CCDC30: variants seen among roughly 807,000 people sequenced by gnomAD.
The protein encoded by CCDC30 is coiled-coil domain-containing protein 30.
In CCDC30, 70 loss-of-function variants were observed where a neutral mutation model predicts 100.2. That is an observed-to-expected ratio of 0.70 (90% CI 0.58 to 0.85). The LOEUF (loss-of-function observed/expected upper bound fraction) is 0.85, where lower values mean the gene tolerates loss of function less well. CCDC30 is among the 40% of genes least tolerant of loss of function. CCDC30 has a pLI of 0.00. For missense variants in CCDC30, 652 were observed against 771.2 expected, an observed-to-expected ratio of 0.85 and a Z score of 1.83; for synonymous variants, 233 against 269.5, an observed-to-expected ratio of 0.86 and a Z score of 1.33.
chr1:42,601,978 A>G (rs148664839), intron 10 of CCDC30, among the ~76,000 whole-genome samples: 29 of 152,334 alleles, frequency 1.9e-4, no homozygotes, highest in Non-Finnish European at 3.5e-4. Flanking sequence ...TTCAACAAAT[A>G]TATTGAAAAT....
At chr1:42,604,362 A>G (rs1357412283) in intron 10 of CCDC30, among the ~76,000 whole-genome samples, 1 of 152,360 alleles carries the variant, frequency 6.6e-6, no homozygotes, top group East Asian at 1.9e-4. Flanking sequence ...AGGCAACTCC[A>G]AGCACTTGGC....
At chr1:42,472,312 A>G (rs374616028) in intron 1 of CCDC30, among the ~76,000 whole-genome samples, 1 of 152,174 alleles carries the variant, frequency 6.6e-6, no homozygotes, top group African/African-American at 2.4e-5. Flanking sequence ...CGATCAGCAG[A>G]TATTTATCTT....
exon 12 of CCDC30, chr1:42,637,241 T>C (rs1015022735): frequency 6.3e-7 from 1 of 1,581,430 alleles, no homozygotes. Flanking sequence ...TTATAGAAAC[T>C]ATAATGAGAA....
At position 42,495,391 on chromosome 1, in the gene CCDC30, G is replaced by A. The variant is rs148369626; in HGVS notation, c.242-1707G>A. On this transcript the variant is annotated intron_variant, in intron 4 of 16. Transcript: ENST00000668663. ...AGAGAGGGGAGGGATAGCATTGGGAGATATACCTAATGCTAGATGCTGAGT... is the reference window on the plus strand; with the variant it reads ...AGAGAGGGGAGGGATAGCATTGGGAAATATACCTAATGCTAGATGCTGAGT... Among the ~76,000 whole-genome samples the A allele has an allele frequency of 6.0e-3, 915 of 152,142 alleles. 5 individuals carry two copies. Among genetic ancestry groups the A allele is most frequent in the African/African-American group, 0.021 (853 of 41,476 alleles).
intron 6 of CCDC30, among the ~76,000 whole-genome samples, chr1:42,560,523 C>A (rs183048479): frequency 1.4e-3 from 212 of 152,140 alleles, no homozygotes; most frequent in Non-Finnish European, 1.7e-3. Context: ...GCACGCACCA[C>A]CATGCCTGGC....
chr1:42,553,743 A>T (rs543703929), intron 6 of CCDC30, among the ~76,000 whole-genome samples: 1 of 151,912 alleles, frequency 6.6e-6, no homozygotes, highest in African/African-American at 2.4e-5. Flanking sequence ...CTTCCACTGG[A>T]TATAAGAAAA....
At chr1:42,477,964 C>T (rs540860818) in intron 1 of CCDC30, among the ~76,000 whole-genome samples, 2 of 152,234 alleles carry the variant, frequency 1.3e-5, no homozygotes, top group East Asian at 3.9e-4. Flanking sequence ...TGAGTGAATG[C>T]TAAGAAGAAA....
chr1:42,512,295 TGGCCAGTTTTGG>T (rs974036774), intron 6 of CCDC30, among the ~76,000 whole-genome samples: 14 of 152,164 alleles, frequency 9.2e-5, no homozygotes, highest in Admixed American at 2.0e-4. Context: ...ATTTTGTTTA[TGGCCAGTTTTGG>T]GGCCAGTTTA....
chr1:42,619,034 T>C lies in CCDC30; in HGVS notation c.1277+7944T>C, dbSNP rs569349081. 9.2e-5 allele frequency among the ~76,000 whole-genome samples: 14 copies of C among 152,264 alleles called. 1 individual carries two copies. The highest frequency in any genetic ancestry group is 8.5e-4 in the Admixed American group (13 of 15,288). On this transcript the variant is annotated intron_variant, in intron 11 of 16. Transcript: ENST00000668663. Reference sequence around the variant, plus strand: ...GGAAAGCCAGAAAATGTAGTTCCTATGCTGAGTAAACCAGTGCCCAGCAAA... The same window carrying C: ...GGAAAGCCAGAAAATGTAGTTCCTACGCTGAGTAAACCAGTGCCCAGCAAA...
the CCDC30 span, chr1:42,456,236 A>T: frequency 3.3e-6 from 2 of 607,552 alleles, no homozygotes; most frequent in South Asian, 1.9e-5. Context: ...AACGACTCCC[A>T]AGGAGTCCAA....
intron 15 of CCDC30, among the ~76,000 whole-genome samples, chr1:42,647,249 T>C (rs1014581194): frequency 5.9e-5 from 9 of 152,034 alleles, no homozygotes. Flanking sequence ...TGGGAAAAGA[T>C]ATTCCATGCA....
chr1:42,553,803 T>A (rs897026134), intron 6 of CCDC30, among the ~76,000 whole-genome samples: 4 of 152,212 alleles, frequency 2.6e-5, no homozygotes, highest in African/African-American at 7.2e-5. Flanking sequence ...TTTATAAAAA[T>A]TTTTAAAGGC....
chr1:42,548,221 A>G (rs1645182807), intron 6 of CCDC30, among the ~76,000 whole-genome samples: 1 of 152,236 alleles, frequency 6.6e-6, no homozygotes, highest in East Asian at 1.9e-4. Context: ...GTGGGAAACT[A>G]CTACAGTGTT....
At chr1:42,589,300 A>G (rs991376558) in intron 9 of CCDC30, 21 bp from the exon 14 acceptor site, 25 of 1,558,086 alleles carry the variant, frequency 1.6e-5, no homozygotes, top group Non-Finnish European at 2.1e-5. Flanking sequence ...GTGTGATTTA[A>G]TCTACATTAA....
At chr1:42,457,344 A>T in the CCDC30 span, 79 of 1,613,294 alleles carry the variant, frequency 4.9e-5, no homozygotes, top group African/African-American at 8.4e-4. Context: ...CTGGGGGCCC[A>T]CTGCAGGTGA....
At chr1:42,624,461 C>T (rs1646896318) in intron 11 of CCDC30, among the ~76,000 whole-genome samples, 1 of 152,092 alleles carries the variant, frequency 6.6e-6, no homozygotes, top group African/African-American at 2.4e-5. Flanking sequence ...AATGTATTAT[C>T]GAATTCCATT....
intron 3 of CCDC30, among the ~76,000 whole-genome samples, chr1:42,483,468 T>G (rs914811110): frequency 3.3e-5 from 5 of 152,212 alleles, no homozygotes; most frequent in African/African-American, 1.2e-4. Context: ...TAATTTAAGC[T>G]TTCCTCAGTT....
At chr1:42,471,012 A>G (rs1309012306) in intron 1 of CCDC30, among the ~76,000 whole-genome samples, 1 of 152,256 alleles carries the variant, frequency 6.6e-6, no homozygotes, top group Non-Finnish European at 1.5e-5. Context: ...AGAAGGTGTT[A>G]GAGGGAGACA....
chr1:42,458,696 T>C (rs1231450122), upstream of CCDC30, among the ~76,000 whole-genome samples: 1 of 152,250 alleles, frequency 6.6e-6, no homozygotes, highest in African/African-American at 2.4e-5. Flanking sequence ...GATTTCACGC[T>C]TTTTAATCTC....
Sources: gnomAD v4.1 joint callset for allele counts (sites outside exome capture counted in the v4.1 genomes callset) on GRCh38, gnomAD v4.1.1 for gene constraint, MANE v1.5 for transcripts, NCBI Gene and HGNC (gene_info 2026-07-23, HGNC 2026-07-21) for gene names.